Variants in TTC39C observed in about 807,000 individuals in gnomAD.
The protein encoded by TTC39C is tetratricopeptide repeat domain 39C.
A neutral mutation model predicts 76.3 loss-of-function variants in TTC39C; 33 were observed. That is an observed-to-expected ratio of 0.43 (90% CI 0.33 to 0.58). TTC39C has a LOEUF of 0.58. Among genes scored for constraint, TTC39C ranks in the 20% least tolerant of loss-of-function variants. TTC39C has a pLI of 0.04. For missense variants in TTC39C, 595 were observed against 701.4 expected, an observed-to-expected ratio of 0.85 and a Z score of 1.71; for synonymous variants, 254 against 260.6, an observed-to-expected ratio of 0.97 and a Z score of 0.24.
At chr18:24,099,267 A>G (rs1407249800) in intron 6 of TTC39C, 3 of 151,786 alleles carry the variant, frequency 2.0e-5, no homozygotes, top group Non-Finnish European at 4.4e-5. Context: ...TTGGGTGTCT[A>G]GTGAGGACCA....
intron 6 of TTC39C, among the ~76,000 whole-genome samples, chr18:24,093,101 A>G (rs541733463): frequency 2.0e-5 from 3 of 152,342 alleles, no homozygotes; most frequent in Admixed American, 6.5e-5. Flanking sequence ...ATATTACTCT[A>G]TGAGTATTCT....
intron 11 of TTC39C, 75 bp from the exon 12 acceptor site, chr18:24,130,238 C>T: frequency 1.4e-6 from 1 of 711,040 alleles, no homozygotes; most frequent in South Asian, 1.8e-5. Flanking sequence ...CTTCCCGCCC[C>T]CTCTTGAAGA....
At chr18:24,002,595 T>C (rs2083322079) in intron 1 of TTC39C, among the ~76,000 whole-genome samples, 1 of 152,212 alleles carries the variant, frequency 6.6e-6, no homozygotes, top group South Asian at 2.1e-4. Flanking sequence ...ATTTCTGTGT[T>C]GTTCTAATGC....
intron 1 of TTC39C, among the ~76,000 whole-genome samples, chr18:24,003,582 G>T (rs893309892): frequency 2.6e-5 from 4 of 151,984 alleles, no homozygotes; most frequent in African/African-American, 9.7e-5. Context: ...TGACGTCTGG[G>T]ATAACCTGCA....
intron 1 of TTC39C, among the ~76,000 whole-genome samples, chr18:24,049,991 G>A (rs2083928538): frequency 6.6e-6 from 1 of 152,152 alleles, no homozygotes; most frequent in Admixed American, 6.5e-5. Context: ...AGGACTCAGG[G>A]TCTGACCGTT....
At chr18:24,013,246 T>C (rs531998562), upstream of TTC39C, among the ~76,000 whole-genome samples, 2 of 152,354 alleles carry the variant, frequency 1.3e-5, no homozygotes, top group East Asian at 3.9e-4. Context: ...GTCCATTTTC[T>C]TGCTTCTGTC....
At chr18:24,054,307 G>A (rs777005306) in intron 1 of TTC39C, among the ~76,000 whole-genome samples, 99 of 152,160 alleles carry the variant, frequency 6.5e-4, no homozygotes, top group Non-Finnish European at 1.3e-3. Flanking sequence ...CCATTATTCT[G>A]TTTGGTTGGC....
At chr18:24,064,063 AT>A in intron 1 of TTC39C, 76 bp from the exon 2 acceptor site, 1 of 1,580,816 alleles carries the variant, frequency 6.3e-7, no homozygotes, top group Non-Finnish European at 8.6e-7. Context: ...TAATCATGAT[AT>A]GTCAAATGCT....
intron 1 of TTC39C, among the ~76,000 whole-genome samples, chr18:24,061,970 G>A (rs936429786): frequency 3.3e-5 from 5 of 152,334 alleles, no homozygotes; most frequent in Admixed American, 2.6e-4. Context: ...CAAGTGATGT[G>A]CAGCCTGAGA....
At chr18:24,125,280 A>G (rs1389710230) in intron 9 of TTC39C, 147 bp from the exon 10 acceptor site, 4 of 1,073,148 alleles carry the variant, frequency 3.7e-6, no homozygotes, top group Middle Eastern at 2.9e-4. Flanking sequence ...AACATTTTTT[A>G]TAGAGAGAAG....
intron 7 of TTC39C, among the ~76,000 whole-genome samples, chr18:24,115,799 A>C (rs181352202): frequency 5.8e-4 from 88 of 152,352 alleles, no homozygotes; most frequent in African/African-American, 2.1e-3. Flanking sequence ...AGAGGAAATG[A>C]TGTATAATCC....
intron 1 of TTC39C, among the ~76,000 whole-genome samples, chr18:23,999,493 C>T (rs1191612924): frequency 6.6e-6 from 1 of 152,224 alleles, no homozygotes; most frequent in Non-Finnish European, 1.5e-5. Flanking sequence ...TTCAACTCTC[C>T]CCCATTTTGG....
chr18:24,027,068 G>C (rs1001695839), intron 1 of TTC39C, among the ~76,000 whole-genome samples: 1 of 152,072 alleles, frequency 6.6e-6, no homozygotes, highest in Admixed American at 6.6e-5. Context: ...GAGGCAGGTG[G>C]GTCACTTGAG....
At chr18:24,048,390 A>T (rs779469555) in intron 1 of TTC39C, among the ~76,000 whole-genome samples, 19 of 152,354 alleles carry the variant, frequency 1.2e-4, no homozygotes, top group Non-Finnish European at 2.5e-4. Context: ...TTAAATTTTA[A>T]ATACCCTATT....
intron 6 of TTC39C, chr18:24,113,291 G>A (rs531853480): frequency 4.6e-6 from 2 of 438,210 alleles, no homozygotes; most frequent in East Asian, 8.1e-5. Context: ...GTCACAGGCT[G>A]TCCTGAAGAT....
At chr18:24,087,102 A>G (rs1568432542) in intron 6 of TTC39C, among the ~76,000 whole-genome samples, 1 of 152,186 alleles carries the variant, frequency 6.6e-6, no homozygotes, top group Non-Finnish European at 1.5e-5. Flanking sequence ...CCAATGGGTT[A>G]TATAGGAATC....
chr18:24,043,637 T>C (rs2083825232), intron 1 of TTC39C, among the ~76,000 whole-genome samples: 1 of 152,216 alleles, frequency 6.6e-6, no homozygotes, highest in Admixed American at 6.5e-5. Context: ...AGGCTGCAAG[T>C]GTGTGTTTCC....
intron 1 of TTC39C, chr18:24,020,023 A>G: frequency 7.1e-7 from 1 of 1,411,402 alleles, no homozygotes; most frequent in African/African-American, 1.5e-5. Context: ...CATGATTTCT[A>G]GACAAGTCAT....
chr18:24,001,823 G>GTTTT (rs750295981), intron 1 of TTC39C, among the ~76,000 whole-genome samples: 6,279 of 56,734 alleles, frequency 0.11, 660 homozygotes, highest in Admixed American at 0.2. Context: ...CGGTAATTCT[G>GTTTT]TTTTTTTTTT....
Sources: gnomAD v4.1 joint callset for allele counts (sites outside exome capture counted in the v4.1 genomes callset) on GRCh38, gnomAD v4.1.1 for gene constraint, MANE v1.5 for transcripts, NCBI Gene and HGNC (gene_info 2026-07-23, HGNC 2026-07-21) for gene names.